FHIT: variants seen among roughly 807,000 people sequenced by gnomAD.
FHIT encodes bis(5'-adenosyl)-triphosphatase.
FHIT carries 19 observed loss-of-function variants against 17.9 expected under a neutral mutation model. That is an observed-to-expected ratio of 1.06 (90% confidence interval 0.74 to 1.56). The LOEUF (loss-of-function observed/expected upper bound fraction) is 1.56, where lower values mean the gene tolerates loss of function less well. Ranked by LOEUF, FHIT falls within the 40% of genes most tolerant of loss-of-function variation. FHIT has a pLI of 0.00. For synonymous variants in FHIT, 81 were observed against 69.7 expected, an observed-to-expected ratio of 1.16 and a Z score of -0.81; for missense variants, 248 against 189.2, an observed-to-expected ratio of 1.31 and a Z score of -1.82.
chr3:60,899,427 G>A (rs1382019184), intron 3 of FHIT, among the ~76,000 whole-genome samples: 19 of 152,076 alleles, frequency 1.2e-4, no homozygotes, highest in Admixed American at 8.5e-4. Flanking sequence ...CCCCTGCAAC[G>A]CCTACATAAG....
chr3:59,923,761 A>G (rs776293429), intron 7 of FHIT, among the ~76,000 whole-genome samples: 20 of 152,242 alleles, frequency 1.3e-4, no homozygotes, highest in Middle Eastern at 6.8e-3. Flanking sequence ...CGAGGCTCCA[A>G]AAGGCCTCAA....
intron 5 of FHIT, among the ~76,000 whole-genome samples, chr3:60,304,360 T>C (rs925899743): frequency 2.6e-5 from 4 of 152,030 alleles, no homozygotes; most frequent in East Asian, 3.9e-4. Flanking sequence ...AGCAAATGTA[T>C]TGGCTTATTG....
At chr3:60,904,126 C>A (rs898867749) in intron 3 of FHIT, among the ~76,000 whole-genome samples, 10 of 152,180 alleles carry the variant, frequency 6.6e-5, no homozygotes, top group Non-Finnish European at 8.8e-5. Flanking sequence ...TAAGACATTT[C>A]ATCTATTTAG....
intron 3 of FHIT, among the ~76,000 whole-genome samples, chr3:60,905,414 T>C (rs1706354209): frequency 6.6e-6 from 1 of 152,214 alleles, no homozygotes; most frequent in African/African-American, 2.4e-5. Context: ...TATGTGTCTA[T>C]TTCCTTTTCT....
At position 59,814,893 on chromosome 3, in the gene FHIT, A is replaced by T. The variant is rs112090241; in HGVS notation, c.349-62572T>A. Among the ~76,000 whole-genome samples, 636 of 152,334 alleles carry T rather than the reference A, an allele frequency of 4.2e-3. 1 individual carries two copies. The highest frequency in any genetic ancestry group is 0.014 in the African/African-American group (594 of 41,562). ...CAGTGGGGGAATAAATATGAAAAAA[A>T]ATATAAGATCATTGCACTGCAGAGT... is the stretch of plus-strand genomic sequence containing the variant. On this transcript the variant is annotated intron_variant, in intron 8 of 9. Coordinates refer to ENST00000492590, the MANE Select transcript of FHIT (RefSeq NM_002012.4).
chr3:61,200,815 G>T (rs141168938), intron 1 of FHIT, 150 bp from the exon 2 acceptor site: 2 of 151,998 alleles, frequency 1.3e-5, no homozygotes, highest in Non-Finnish European at 2.9e-5. Flanking sequence ...CATACCTCCC[G>T]CACAAGAGGC....
intron 7 of FHIT, among the ~76,000 whole-genome samples, chr3:59,943,476 A>C (rs1706635541): frequency 6.6e-6 from 1 of 152,150 alleles, no homozygotes; most frequent in Non-Finnish European, 1.5e-5. Flanking sequence ...TCCTGCATGG[A>C]GTATGACAAG....
intron 8 of FHIT, among the ~76,000 whole-genome samples, chr3:59,833,479 G>C (rs1431142772): frequency 1.3e-5 from 2 of 152,158 alleles, no homozygotes; most frequent in African/African-American, 2.4e-5. Context: ...GGCAAGGAAG[G>C]ATTCCTCTAC....
At chr3:60,025,813 C>T (rs934923620) in intron 5 of FHIT, among the ~76,000 whole-genome samples, 7 of 150,480 alleles carry the variant, frequency 4.7e-5, no homozygotes, top group African/African-American at 1.7e-4. Context: ...AAGCAAAAGA[C>T]ATTTTAATGT....
chr3:59,788,180 C>A (rs1699394452), intron 8 of FHIT, among the ~76,000 whole-genome samples: 1 of 152,170 alleles, frequency 6.6e-6, no homozygotes, highest in African/African-American at 2.4e-5. Context: ...CATCATTTCT[C>A]CTGGGCTTTG....
intron 5 of FHIT, among the ~76,000 whole-genome samples, chr3:60,069,116 A>G (rs1443908219): frequency 1.5e-5 from 2 of 135,244 alleles, no homozygotes; most frequent in Non-Finnish European, 3.1e-5. Flanking sequence ...TTTATAATCA[A>G]ATCTAGATAA....
In FHIT at chr3:60,007,226, C is replaced by A. The variant is rs144021623; in HGVS notation, c.279+4145G>T. Among the ~76,000 whole-genome samples, 198 of 152,246 alleles carry A rather than the reference C, an allele frequency of 1.3e-3. 3 individuals are homozygous for A. Among genetic ancestry groups the A allele is most frequent in the Middle Eastern group, 0.01 (3 of 294 alleles). On this transcript the variant is annotated intron_variant, in intron 7 of 9. Transcript: ENST00000492590. ...GATAGCTCACATTTAACTTATTAAG[C>A]AGCATCGCTTCTAAAGAAATGAATA... is the stretch of plus-strand genomic sequence containing the variant.
At chr3:59,955,751 C>T (rs1469310464) in intron 7 of FHIT, among the ~76,000 whole-genome samples, 1 of 152,182 alleles carries the variant, frequency 6.6e-6, no homozygotes, top group Non-Finnish European at 1.5e-5. Flanking sequence ...CCCCCTCTCC[C>T]AACATCTGCC....
chr3:59,756,419 G>A (rs1186123423), intron 8 of FHIT, among the ~76,000 whole-genome samples: 1 of 152,078 alleles, frequency 6.6e-6, no homozygotes, highest in Non-Finnish European at 1.5e-5. Context: ...AAGGTCCTAT[G>A]GTAAAAGAAT....
intron 5 of FHIT, among the ~76,000 whole-genome samples, chr3:60,428,218 T>C (rs1702747779): frequency 6.6e-6 from 1 of 152,182 alleles, no homozygotes; most frequent in Non-Finnish European, 1.5e-5. Context: ...CCTAATCATA[T>C]TTTTAATATC....
At chr3:60,126,923 G>A (rs963678283) in intron 5 of FHIT, among the ~76,000 whole-genome samples, 21 of 152,246 alleles carry the variant, frequency 1.4e-4, no homozygotes, top group Middle Eastern at 3.4e-3. Context: ...AGGGAGGTGC[G>A]CGCTTCCGTA....
intron 8 of FHIT, among the ~76,000 whole-genome samples, chr3:59,874,613 T>C (rs1559687135): frequency 1.3e-5 from 2 of 152,138 alleles, no homozygotes; most frequent in Admixed American, 6.5e-5. Flanking sequence ...GACAGTGGGC[T>C]TGGGAAAGAA....
intron 5 of FHIT, among the ~76,000 whole-genome samples, chr3:60,224,181 T>TA (rs1704085850): frequency 6.6e-6 from 1 of 152,290 alleles, no homozygotes; most frequent in East Asian, 1.9e-4. Flanking sequence ...GTACCGATTT[T>TA]ATCCCCCTTC....
intron 3 of FHIT, among the ~76,000 whole-genome samples, chr3:60,865,533 G>A (rs555407508): frequency 5.3e-5 from 8 of 152,218 alleles, no homozygotes; most frequent in African/African-American, 1.9e-4. Context: ...ACTTATAAGA[G>A]TCTGAATTTT....
Sources: gnomAD v4.1 joint callset for allele counts (sites outside exome capture counted in the v4.1 genomes callset) on GRCh38, gnomAD v4.1.1 for gene constraint, MANE v1.5 for transcripts, NCBI Gene and HGNC (gene_info 2026-07-23, HGNC 2026-07-21) for gene names.